The following ZNG1A variants were observed in gnomAD, a reference collection of about 807,000 sequenced individuals.
The protein encoded by ZNG1A is Zn regulated GTPase metalloprotein activator 1A.
chr9:172,855 A>G, the ZNG1A span: 2 of 265,040 alleles, frequency 7.5e-6, no homozygotes, highest in Non-Finnish European at 1.4e-5. Flanking sequence ...ATGGTAGACT[A>G]GTGAACACTG....
At chr9:164,130 C>T in the ZNG1A span, 2 of 1,335,154 alleles carry the variant, frequency 1.5e-6, no homozygotes, top group Non-Finnish European at 2.1e-6. Flanking sequence ...ATAAAATTAA[C>T]AGGTAAACAC....
chr9:140,017 C>A, the ZNG1A span, among the ~76,000 whole-genome samples: 1 of 150,554 alleles, frequency 6.6e-6, no homozygotes, highest in South Asian at 2.1e-4. Context: ...GTCCCACGCC[C>A]ACAGAGTCTC....
At chr9:158,813 T>A in the ZNG1A span, among the ~76,000 whole-genome samples, 10 of 152,014 alleles carry the variant, frequency 6.6e-5, no homozygotes, top group African/African-American at 2.2e-4. Flanking sequence ...TGTCCTCTTC[T>A]ATGCCCATAG....
At chr9:125,243 G>C in the ZNG1A span, among the ~76,000 whole-genome samples, 1 of 150,638 alleles carries the variant, frequency 6.6e-6, no homozygotes, top group East Asian at 1.9e-4. Context: ...TTTTATTATG[G>C]CCATTCTTGC....
chr9:135,807 G>A, the ZNG1A span, among the ~76,000 whole-genome samples: 1 of 112,592 alleles, frequency 8.9e-6, no homozygotes, highest in Non-Finnish European at 1.6e-5. Flanking sequence ...GAGTCTCTTT[G>A]GGGGGTCCTA....
chr9:145,664 A>C, the ZNG1A span, among the ~76,000 whole-genome samples: 2 of 151,694 alleles, frequency 1.3e-5, no homozygotes, highest in Non-Finnish European at 2.9e-5. Context: ...TAACCTGCAC[A>C]TTGTGCACCT....
chr9:171,080 AT>A, the ZNG1A span, among the ~76,000 whole-genome samples: 95 of 151,838 alleles, frequency 6.3e-4, no homozygotes, highest in African/African-American at 2.3e-3. Flanking sequence ...TCCAAGTCCT[AT>A]CATCAGTCAG....
chr9:145,457 C>G, the ZNG1A span, among the ~76,000 whole-genome samples: 1 of 147,576 alleles, frequency 6.8e-6, no homozygotes, highest in Non-Finnish European at 1.5e-5. Context: ...AACAAAAAAC[C>G]AAACACCGCA....
At chr9:129,112 T>TCTTAG in the ZNG1A span, among the ~76,000 whole-genome samples, 1 of 151,642 alleles carries the variant, frequency 6.6e-6, no homozygotes, top group Admixed American at 6.6e-5. Context: ...CTTTGAGGGT[T>TCTTAG]CTTAGCTTTG....
At chr9:164,974 C>T in the ZNG1A span, among the ~76,000 whole-genome samples, 1 of 152,062 alleles carries the variant, frequency 6.6e-6, no homozygotes, top group African/African-American at 2.4e-5. Context: ...TTTCCTGATA[C>T]CTATTGATTT....
At chr9:159,082 T>A in the ZNG1A span, among the ~76,000 whole-genome samples, 1,820 of 150,910 alleles carry the variant, frequency 0.012, 25 homozygotes, top group African/African-American at 0.042. Flanking sequence ...TATAAGTAAA[T>A]GAAGAAAAAA....
the ZNG1A span, among the ~76,000 whole-genome samples, chr9:130,070 T>G: frequency 1.3e-5 from 2 of 151,420 alleles, no homozygotes; most frequent in African/African-American, 4.9e-5. Context: ...CAGTAATTTT[T>G]CAGCTCCATC....
chr9:127,292 C>A, the ZNG1A span, among the ~76,000 whole-genome samples: 5 of 152,066 alleles, frequency 3.3e-5, no homozygotes, highest in African/African-American at 1.2e-4. Flanking sequence ...AAATCCCTCA[C>A]TATTATTGTG....
the ZNG1A span, chr9:162,310 T>G: frequency 1.1e-6 from 1 of 914,096 alleles, no homozygotes; most frequent in Non-Finnish European, 1.6e-6. Context: ...GTTCAGGATA[T>G]CTTTTTGAGA....
At chr9:133,892 C>T in the ZNG1A span, among the ~76,000 whole-genome samples, 6 of 150,402 alleles carry the variant, frequency 4.0e-5, no homozygotes, top group East Asian at 5.9e-4. Flanking sequence ...GCATCGTAAC[C>T]GCCACAATAG....
At chr9:148,007 A>G in the ZNG1A span, 5 of 149,890 alleles carry the variant, frequency 3.3e-5, no homozygotes, top group Admixed American at 1.3e-4. Context: ...CTTGGGGGAC[A>G]GAGTGAGATT....
At chr9:138,818 C>T in the ZNG1A span, among the ~76,000 whole-genome samples, 1 of 149,636 alleles carries the variant, frequency 6.7e-6, no homozygotes, top group Non-Finnish European at 1.5e-5. Context: ...ATGGGAGGAT[C>T]ACTTGAGCCC....
the ZNG1A span, chr9:178,911 G>C: frequency 9.6e-6 from 11 of 1,144,370 alleles, 3 homozygotes; most frequent in African/African-American, 1.3e-4. Context: ...AACCAATTCA[G>C]GACAATCCTC....
the ZNG1A span, chr9:147,897 A>ACG: frequency 6.7e-6 from 1 of 149,598 alleles, no homozygotes; most frequent in East Asian, 2.0e-4. Context: ...GTGGTGGTGC[A>ACG]CACCTGTAAT....
Sources: allele counts gnomAD v4.1 joint callset (sites outside exome capture counted in the v4.1 genomes callset), GRCh38; gene constraint gnomAD v4.1.1; transcripts MANE v1.5; gene names NCBI Gene and HGNC (gene_info 2026-07-23, HGNC 2026-07-21).